RNF220: variants seen among roughly 807,000 people sequenced by gnomAD.
The protein encoded by RNF220 is ring finger protein 220, also known as E3 ubiquitin-protein ligase RNF220.
Under a neutral mutation model 67.1 loss-of-function variants are expected in RNF220, and 7 were observed. The observed-to-expected ratio is 0.10, with a 90% CI of 0.06 to 0.20. RNF220 has a LOEUF of 0.20. RNF220 is among the 10% of genes least tolerant of loss of function. The probability of loss-of-function intolerance (pLI) is 1.00; values close to 1 mark genes in which losing one functional copy is unlikely to be tolerated. For missense variants in RNF220, 565 were observed against 740.3 expected (o/e 0.76, Z 2.75); for synonymous variants, 270 against 283.2 (o/e 0.95, Z 0.47).
chr1:44,542,051 T>C (rs1199616796), intron 2 of RNF220, among the ~76,000 whole-genome samples: 2 of 152,162 alleles, frequency 1.3e-5, no homozygotes, highest in Non-Finnish European at 2.9e-5. Flanking sequence ...CTGGCCTGTG[T>C]GATCCTGGAC....
intron 2 of RNF220, among the ~76,000 whole-genome samples, chr1:44,484,259 A>G (rs1162269069): frequency 6.6e-6 from 1 of 152,038 alleles, no homozygotes; most frequent in African/African-American, 2.4e-5. Context: ...AAGAAAAAAA[A>G]GAGCATGAAG....
chr1:44,563,129 T>C (rs188735011), intron 2 of RNF220, among the ~76,000 whole-genome samples: 2 of 152,330 alleles, frequency 1.3e-5, no homozygotes, highest in African/African-American at 4.8e-5. Context: ...GGGGAATATT[T>C]CTCCAAGATG....
At chr1:44,637,273 A>G (rs536262915) in intron 8 of RNF220, among the ~76,000 whole-genome samples, 181 of 152,296 alleles carry the variant, frequency 1.2e-3, no homozygotes, top group Non-Finnish European at 1.9e-3. Flanking sequence ...CGTCTCTCAC[A>G]TTACCCAGGT....
chr1:44,646,397 T>C (rs1273495155), intron 12 of RNF220, among the ~76,000 whole-genome samples: 1 of 152,270 alleles, frequency 6.6e-6, no homozygotes, highest in African/African-American at 2.4e-5. Context: ...GCTGCTGGCA[T>C]GATGTATGGG....
At chr1:44,545,989 C>T (rs564458466) in intron 2 of RNF220, among the ~76,000 whole-genome samples, 2 of 152,250 alleles carry the variant, frequency 1.3e-5, no homozygotes, top group South Asian at 2.1e-4. Flanking sequence ...CATTGCAAAC[C>T]TTTCTGAACT....
At chr1:44,579,706 G>C (rs552199694) in intron 2 of RNF220, among the ~76,000 whole-genome samples, 119 of 152,212 alleles carry the variant, frequency 7.8e-4, no homozygotes, top group African/African-American at 2.8e-3. Flanking sequence ...GCTTAAGTAA[G>C]TCCCCACTGA....
intron 2 of RNF220, 91 bp from the exon 3 acceptor site, chr1:44,614,074 G>T: frequency 1.3e-6 from 2 of 1,557,156 alleles, no homozygotes; most frequent in South Asian, 2.4e-5. Context: ...CTAGAGGGCA[G>T]CAGCAGGCTT....
intron 2 of RNF220, among the ~76,000 whole-genome samples, chr1:44,449,091 G>T (rs145126883): frequency 9.2e-5 from 14 of 152,272 alleles, no homozygotes; most frequent in African/African-American, 3.1e-4. Flanking sequence ...TCCATGTTTG[G>T]AGAGGCAGCA....
chr1:44,433,371 A>G (rs1650615559), intron 2 of RNF220, among the ~76,000 whole-genome samples: 1 of 152,192 alleles, frequency 6.6e-6, no homozygotes. Flanking sequence ...ACAGTTCAGA[A>G]TCAGTTGAGC....
At chr1:44,592,655 C>T (rs929270599) in intron 2 of RNF220, among the ~76,000 whole-genome samples, 5 of 152,166 alleles carry the variant, frequency 3.3e-5, no homozygotes, top group African/African-American at 9.7e-5. Flanking sequence ...AGGTGGTACA[C>T]GCTCCTCTCA....
intron 2 of RNF220, among the ~76,000 whole-genome samples, chr1:44,423,269 C>T (rs549842825): frequency 3.1e-4 from 47 of 152,274 alleles, no homozygotes; most frequent in Middle Eastern, 6.8e-3. Flanking sequence ...TTTGGACAAA[C>T]TGTAGTATCT....
intron 2 of RNF220, among the ~76,000 whole-genome samples, chr1:44,448,157 G>T (rs193171888): frequency 6.6e-6 from 1 of 152,132 alleles, no homozygotes; most frequent in African/African-American, 2.4e-5. Flanking sequence ...AAATTAGCTG[G>T]GTGTGGTGGT....
At chr1:44,562,910 C>A (rs1463018131) in intron 2 of RNF220, among the ~76,000 whole-genome samples, 1 of 152,198 alleles carries the variant, frequency 6.6e-6, no homozygotes, top group African/African-American at 2.4e-5. Flanking sequence ...TATCCAATGC[C>A]ATCACAAATG....
At chr1:44,435,756 C>T (rs1240527007) in intron 2 of RNF220, among the ~76,000 whole-genome samples, 2 of 152,072 alleles carry the variant, frequency 1.3e-5, no homozygotes, top group Admixed American at 6.6e-5. Flanking sequence ...ATGGTGAAAC[C>T]TCGTCTCTAC....
chr1:44,432,999 G>A (rs952236153), intron 2 of RNF220, among the ~76,000 whole-genome samples: 2 of 150,466 alleles, frequency 1.3e-5, no homozygotes, highest in Admixed American at 1.3e-4. Context: ...ATGCGATCTC[G>A]GCTCACTACA....
At chr1:44,472,746 A>C (rs1160012390) in intron 2 of RNF220, among the ~76,000 whole-genome samples, 6 of 151,954 alleles carry the variant, frequency 3.9e-5, no homozygotes, top group Admixed American at 2.0e-4. Context: ...AACTGAGGAG[A>C]GGTGGGGATA....
chr1:44,511,698 C>A (rs1237021174), intron 2 of RNF220, among the ~76,000 whole-genome samples: 1 of 152,088 alleles, frequency 6.6e-6, no homozygotes, highest in Admixed American at 6.6e-5. Context: ...CTAAGCGGGG[C>A]GCTGATTGAA....
chr1:44,522,017 T>C lies in RNF220; in HGVS notation c.626-92148T>C, dbSNP rs1659979578. On this transcript the variant is annotated intron_variant, in intron 2 of 14. Transcript: ENST00000361799. Reference sequence around the variant, plus strand: ...TGAGTGTTTGGTCAACTGCCAGCTATGCATGAAACAACAAAGCAAGATGGC... The same window carrying C: ...TGAGTGTTTGGTCAACTGCCAGCTACGCATGAAACAACAAAGCAAGATGGC... Among the ~76,000 whole-genome samples, 5 of 152,334 alleles carry C rather than the reference T, an allele frequency of 3.3e-5. No homozygotes were observed. In the South Asian group the frequency reaches 1.0e-3, roughly 32 times the overall value.
intron 2 of RNF220, among the ~76,000 whole-genome samples, chr1:44,554,121 GAATGGAGA>G (rs1215663779): frequency 2.6e-5 from 4 of 152,174 alleles, no homozygotes; most frequent in African/African-American, 9.7e-5. Context: ...GCACAGAACA[GAATGGAGA>G]AGGGTGATGT....
Sources: gnomAD v4.1 joint callset for allele counts (sites outside exome capture counted in the v4.1 genomes callset) on GRCh38, gnomAD v4.1.1 for gene constraint, MANE v1.5 for transcripts, NCBI Gene and HGNC (gene_info 2026-07-23, HGNC 2026-07-21) for gene names.